Variants in PARP4 observed in about 807,000 individuals in gnomAD.
The protein encoded by PARP4 is poly(ADP-ribose) polymerase family member 4.
PARP4 carries 120 observed loss-of-function variants against 187.7 expected under a neutral mutation model. The observed-to-expected ratio is 0.64, with a 90% confidence interval of 0.55 to 0.74. The LOEUF is 0.74. Ranked by LOEUF, PARP4 falls within the 30% of genes least tolerant of loss-of-function variation. The pLI, the probability that PARP4 is intolerant of heterozygous loss-of-function variation, is 0.00. For missense variants in PARP4, 1,836 were observed against 2,070.5 expected (o/e 0.89, Z 2.20); for synonymous variants, 654 against 740.9 (o/e 0.88, Z 1.90).
At chr13:24,428,225 C>T (rs1164312639) in intron 32 of PARP4, among the ~76,000 whole-genome samples, 1 of 152,232 alleles carries the variant, frequency 6.6e-6, no homozygotes, top group African/African-American at 2.4e-5. Context: ...ATCCCATCCC[C>T]TTGCATCTGT....
intron 30 of PARP4, among the ~76,000 whole-genome samples, chr13:24,440,870 C>T (rs1456407091): frequency 3.9e-5 from 6 of 152,128 alleles, no homozygotes; most frequent in Non-Finnish European, 8.8e-5. Flanking sequence ...GCACATCTTT[C>T]GTATATTATT....
Position 24,435,002 on chromosome 13 carries a change from G to A in PARP4, c.4139C>T (p.Ser1380Leu), listed in dbSNP as rs762373533. The stretch of plus-strand genomic sequence containing the variant: ...GGGAGGTCCTGTGGGACAAGACGCC[G>A]ACTGTGGGATCCAGTCAGCACAAGT... ...PGTCADWIPQ[S>L]ASCPTGPPQN... The change falls in exon 31 of 34, where the codon TCG (serine) becomes TTG (leucine). Residue 1380 changes from serine to leucine, a missense_variant. By Grantham distance (145) the Ser-to-Leu change is moderately radical (BLOSUM62 -2). This residue lies in a region of PARP4 where 450 missense variants were observed against 439.2 expected (regional missense o/e 1.02). Transcript: ENST00000381989. 21 of 1,613,960 alleles carry A rather than the reference G, an allele frequency of 1.3e-5. No individual in the cohort carries two copies. The highest frequency in any genetic ancestry group is 1.7e-5 in the Non-Finnish European group (20 of 1,180,042).
At chr13:24,473,693 C>T (rs1284825695) in intron 15 of PARP4, among the ~76,000 whole-genome samples, 1 of 152,170 alleles carries the variant, frequency 6.6e-6, no homozygotes, top group African/African-American at 2.4e-5. Flanking sequence ...AGTTCTTCCT[C>T]CCATTCCCTC....
At chr13:24,472,973 G>A (rs1872796265) in intron 15 of PARP4, among the ~76,000 whole-genome samples, 1 of 139,200 alleles carries the variant, frequency 7.2e-6, no homozygotes, top group Non-Finnish European at 1.5e-5. Flanking sequence ...TTGGCTCATT[G>A]CAACCTCTGC....
At chr13:24,446,542 G>C (rs908987462) in intron 27 of PARP4, 139 bp downstream of exon 27, 1 of 619,476 alleles carries the variant, frequency 1.6e-6, no homozygotes, top group Non-Finnish European at 2.9e-6. Context: ...TTTTAAGAAA[G>C]TTTACGAATT....
Position 24,455,009 on chromosome 13 carries a change from G to C in PARP4, c.2758+8C>G, listed in dbSNP as rs199825180. Reference sequence around the variant, plus strand: ...GCACACGCAGGACCAGGGCCAAAGCGCACTCACCTGTGCCGAACTGGATAA... The same window carrying C: ...GCACACGCAGGACCAGGGCCAAAGCCCACTCACCTGTGCCGAACTGGATAA... On this transcript the variant is annotated splice_region_variant and intron_variant, in intron 22 of 33. Coordinates refer to ENST00000381989, the MANE Select transcript of PARP4 (RefSeq NM_006437.4). 31 of 1,571,244 alleles carry C rather than the reference G, an allele frequency of 2.0e-5. No individual in the cohort carries two copies. The highest frequency in any genetic ancestry group is 3.4e-5 in the Admixed American group (2 of 58,608).
At chr13:24,483,417 C>T (rs1256481446) in intron 12 of PARP4, among the ~76,000 whole-genome samples, 6 of 117,898 alleles carry the variant, frequency 5.1e-5, no homozygotes, top group Admixed American at 3.7e-4. Flanking sequence ...ACCCGGGAAG[C>T]GGAGCTTGCA....
At chr13:24,429,760 G>C (rs1870241592) in intron 32 of PARP4, among the ~76,000 whole-genome samples, 1 of 152,156 alleles carries the variant, frequency 6.6e-6, no homozygotes, top group African/African-American at 2.4e-5. Flanking sequence ...TAGAGGTTAG[G>C]AGACAGCCAA....
At chr13:24,468,157 T>A (rs1872568160) in intron 17 of PARP4, among the ~76,000 whole-genome samples, 1 of 152,182 alleles carries the variant, frequency 6.6e-6, no homozygotes, top group Non-Finnish European at 1.5e-5. Context: ...AGACGCTGAC[T>A]ACACACAATC....
Position 24,493,634 on chromosome 13 carries a change from T to C in PARP4, c.841A>G (p.Met281Val). The change falls in exon 8 of 34, where the codon ATG becomes GTG. Residue 281 changes from methionine (M) to valine (V), a missense_variant. By Grantham distance (21) the Met-to-Val change is conservative (BLOSUM62 1). Around this residue, in one of 8 missense-constraint regions of PARP4, gnomAD observed 1,147 missense variants for 1,214.2 expected, o/e 0.94. Transcript: ENST00000381989. ...ATCCTGTTCACTGGCTTGAGAAGCA[T>C]GTGTTCCAGGTGGCCCAGGGCCTCT... ...WAEALGHLEH[M>V]LLKPVNRISL... 2 of 1,613,942 alleles carry C rather than the reference T, an allele frequency of 1.2e-6. No homozygotes were observed. The highest frequency in any genetic ancestry group is 1.7e-6 in the Non-Finnish European group (2 of 1,179,936).
At chr13:24,430,964 T>C (rs1870304386) in intron 32 of PARP4, among the ~76,000 whole-genome samples, 2 of 152,204 alleles carry the variant, frequency 1.3e-5, no homozygotes, top group Admixed American at 1.3e-4. Flanking sequence ...TTCTTCTCTC[T>C]TACCAGGATA....
chr13:24,502,760 T>C (rs940575320), intron 2 of PARP4, among the ~76,000 whole-genome samples: 1 of 152,270 alleles, frequency 6.6e-6, no homozygotes, highest in African/African-American at 2.4e-5. Flanking sequence ...ATTACTCATC[T>C]GTCCAGAGAT....
chr13:24,463,254 CAAAT>C (rs201187397), intron 17 of PARP4, among the ~76,000 whole-genome samples: 2,816 of 152,044 alleles, frequency 0.019, 50 homozygotes, highest in Middle Eastern at 0.034. Flanking sequence ...GAAAGGAAAA[CAAAT>C]AAACTGTCAC....
rs1565987919 is a variant in PARP4 at position 24,434,563 on chromosome 13, A to T, written c.4578T>A (p.Asp1526Glu). 1 of 1,613,452 alleles carries T rather than the reference A, an allele frequency of 6.2e-7. No homozygotes were observed. Among genetic ancestry groups the T allele is most frequent in the East Asian group, 2.2e-5 (1 of 44,850 alleles). Residue 1526 changes from aspartate (D) to glutamate (E), a missense_variant, in exon 31 of 34, where the codon GAT becomes GAA. Physicochemically the swap from Asp to Glu is conservative, Grantham distance 45. This residue lies in a region of PARP4 where 450 missense variants were observed against 439.2 expected (regional missense o/e 1.02). Transcript: ENST00000381989. The part of the protein sequence containing the change: ...FAFQSSDTES[D>E]ELSEVLQDSC... ...TGTCTTGAAGTACTTCTGATAGCTCATCACTTTCTGTGTCAGAACTTTGAA... is the reference window on the plus strand; with the variant it reads ...TGTCTTGAAGTACTTCTGATAGCTCTTCACTTTCTGTGTCAGAACTTTGAA...
At position 24,442,629 on chromosome 13, in the gene PARP4, G is replaced by C; in HGVS notation, c.3504C>G (p.Leu1168=). The C allele has an allele frequency of 6.3e-7, 1 of 1,599,984 alleles. No individual in the cohort carries two copies. Among genetic ancestry groups the C allele is most frequent in the Non-Finnish European group, 8.6e-7 (1 of 1,167,242 alleles). The change falls in exon 29 of 34, where the codon CTC becomes CTG. Residue 1168 remains leucine, a synonymous_variant. Coordinates refer to ENST00000381989, the MANE Select transcript of PARP4 (RefSeq NM_006437.4). Reference sequence around the variant, plus strand: ...CCACAAAGCTTGTAAATTGTGTTATGAGAGAGTTTTCTTTACTGAGTTTAA... The same window carrying C: ...CCACAAAGCTTGTAAATTGTGTTATCAGAGAGTTTTCTTTACTGAGTTTAA... ...LIIKLSKENS[L]ITQFTSFVAV... is the part of the protein sequence containing the mutation.
At chr13:24,423,992 T>C (rs1221982955) in intron 33 of PARP4, among the ~76,000 whole-genome samples, 1 of 152,118 alleles carries the variant, frequency 6.6e-6, no homozygotes, top group African/African-American at 2.4e-5. Flanking sequence ...AAGTTTTTTG[T>C]AGAGATGGCA....
intron 14 of PARP4, 53 bp downstream of exon 14, chr13:24,477,646 ATT>A (rs1256118062): frequency 1.1e-6 from 1 of 938,276 alleles, no homozygotes; most frequent in Non-Finnish European, 1.7e-6. Context: ...AAAATATAAC[ATT>A]TGAGGTCTAT....
intron 12 of PARP4, among the ~76,000 whole-genome samples, chr13:24,483,026 T>C (rs1873359501): frequency 6.8e-6 from 1 of 147,560 alleles, no homozygotes; most frequent in African/African-American, 2.5e-5. Context: ...CTTCTTTTCT[T>C]TTTTTTTTTT....
intron 12 of PARP4, among the ~76,000 whole-genome samples, chr13:24,481,519 C>T (rs754794241): frequency 1.4e-4 from 22 of 152,112 alleles, no homozygotes; most frequent in Non-Finnish European, 3.1e-4. Context: ...ATGATGAAAC[C>T]CTATCTCTAC....
Sources: gnomAD v4.1 joint callset for allele counts (sites outside exome capture counted in the v4.1 genomes callset) on GRCh38, gnomAD v4.1.1 for gene constraint, gnomAD v4.1.1 regional missense constraint, MANE v1.5 for transcripts, NCBI Gene and HGNC (gene_info 2026-07-23, HGNC 2026-07-21) for gene names.